SNX29: variants seen among roughly 807,000 people sequenced by gnomAD.
The protein encoded by SNX29 is sorting nexin-29.
A neutral mutation model predicts 102.1 loss-of-function variants in SNX29; 78 were observed. The ratio of observed to expected loss-of-function variants is 0.76; its 90% CI spans 0.64 to 0.92. SNX29 has a LOEUF of 0.92. SNX29 is among the 40% of genes least tolerant of loss of function. SNX29 has a pLI of 0.00. For missense variants in SNX29, 1,280 were observed against 1,061.7 expected (o/e 1.21, Z -2.86); for synonymous variants, 580 against 414.5 (o/e 1.40, Z -4.85).
chr16:12,303,428 G>A (rs901179559), intron 15 of SNX29, among the ~76,000 whole-genome samples: 2 of 152,236 alleles, frequency 1.3e-5, no homozygotes, highest in Non-Finnish European at 2.9e-5. Flanking sequence ...AACCTCAGCT[G>A]TGCACATCAG....
chr16:12,440,586 C>T (rs959992594), intron 18 of SNX29, among the ~76,000 whole-genome samples: 5 of 152,158 alleles, frequency 3.3e-5, no homozygotes, highest in African/African-American at 1.2e-4. Flanking sequence ...TGATCCTCTC[C>T]CTCCTCCCAC....
intron 18 of SNX29, among the ~76,000 whole-genome samples, chr16:12,439,529 CAA>C (rs1468726722): frequency 1.3e-5 from 2 of 152,272 alleles, no homozygotes; most frequent in East Asian, 1.9e-4. Flanking sequence ...TGGTGGCAGA[CAA>C]GAGAATGAGA....
chr16:12,373,915 G>A (rs4781216), intron 16 of SNX29: 151,651 of 152,386 alleles, frequency 1, 75,461 homozygotes, highest in Middle Eastern at 1. Context: ...CCCGCCTCTG[G>A]TTTTCCTGAT....
At chr16:12,356,971 C>G (rs12103066) in intron 16 of SNX29, among the ~76,000 whole-genome samples, 4,183 of 152,288 alleles carry the variant, frequency 0.027, 214 homozygotes, top group African/African-American at 0.095. Context: ...CACCTACTTG[C>G]TTGGTTCTGT....
chr16:12,555,752 C>A (rs1247093884), intron 20 of SNX29, among the ~76,000 whole-genome samples: 1 of 151,958 alleles, frequency 6.6e-6, no homozygotes, highest in African/African-American at 2.4e-5. Context: ...CCCCACAACT[C>A]CAACTAGCCT....
chr16:12,170,087 C>A (rs9635476), intron 13 of SNX29, among the ~76,000 whole-genome samples: 1 of 152,120 alleles, frequency 6.6e-6, no homozygotes, highest in Non-Finnish European at 1.5e-5. Context: ...GCACCTCTGA[C>A]TTCTAGATGC....
At chr16:12,506,212 C>T (rs1473915204) in intron 19 of SNX29, among the ~76,000 whole-genome samples, 3 of 152,176 alleles carry the variant, frequency 2.0e-5, no homozygotes, top group African/African-American at 7.2e-5. Flanking sequence ...GCGCCTGCCT[C>T]GGCCTCCCAA....
intron 19 of SNX29, among the ~76,000 whole-genome samples, chr16:12,505,513 C>G (rs1210076669): frequency 6.6e-6 from 1 of 152,114 alleles, no homozygotes; most frequent in East Asian, 1.9e-4. Flanking sequence ...AAAAACAAAT[C>G]TTATTTTGTA....
chr16:12,053,823 T>C (rs189545649), intron 8 of SNX29, among the ~76,000 whole-genome samples: 2 of 152,308 alleles, frequency 1.3e-5, no homozygotes, highest in Admixed American at 6.5e-5. Flanking sequence ...GTAAGACGTC[T>C]AGCAGCCCTA....
At chr16:12,026,318 G>T (rs1272107109) in intron 3 of SNX29, among the ~76,000 whole-genome samples, 4 of 152,200 alleles carry the variant, frequency 2.6e-5, no homozygotes, top group Admixed American at 2.0e-4. Context: ...AAATGGTCTG[G>T]TTAACTTATT....
At chr16:12,555,320 A>C (rs1305985014) in intron 20 of SNX29, among the ~76,000 whole-genome samples, 1 of 151,536 alleles carries the variant, frequency 6.6e-6, no homozygotes, top group Admixed American at 6.6e-5. Flanking sequence ...TCATAGCCCC[A>C]GTGTTTCTTG....
chr16:12,563,394 G>A (rs914222652), intron 20 of SNX29, among the ~76,000 whole-genome samples: 5 of 152,224 alleles, frequency 3.3e-5, no homozygotes, highest in Non-Finnish European at 7.3e-5. Flanking sequence ...CCGTAACCAT[G>A]AAAATAGATG....
intron 15 of SNX29, among the ~76,000 whole-genome samples, chr16:12,281,008 A>G (rs542027044): frequency 6.6e-6 from 1 of 152,332 alleles, no homozygotes; most frequent in African/African-American, 2.4e-5. Context: ...CCCCGGCTCA[A>G]CGGATCTTCC....
intron 13 of SNX29, among the ~76,000 whole-genome samples, chr16:12,166,601 C>T (rs972711026): frequency 6.6e-6 from 1 of 152,200 alleles, no homozygotes; most frequent in Non-Finnish European, 1.5e-5. Context: ...CCTTTCCCCA[C>T]CTACTTCTCA....
chr16:12,500,685 ACAT>A (rs2089076087), intron 19 of SNX29, among the ~76,000 whole-genome samples: 1 of 152,340 alleles, frequency 6.6e-6, no homozygotes, highest in African/African-American at 2.4e-5. Context: ...TGTACCAGTG[ACAT>A]CAGCCTCATC....
chr16:12,118,766 G>A (rs8053242), intron 11 of SNX29, among the ~76,000 whole-genome samples: 29,430 of 152,120 alleles, frequency 0.19, 3,287 homozygotes, highest in Middle Eastern at 0.27. Context: ...TTCTGTGAGT[G>A]GGACAGGCAG....
At chr16:12,563,297 A>T (rs376752616) in intron 20 of SNX29, among the ~76,000 whole-genome samples, 4 of 152,088 alleles carry the variant, frequency 2.6e-5, no homozygotes, top group African/African-American at 9.7e-5. Flanking sequence ...CACAGCTCGG[A>T]AAGTCTGCTT....
At chr16:12,538,560 G>C (rs564837020) in intron 20 of SNX29, among the ~76,000 whole-genome samples, 1 of 152,162 alleles carries the variant, frequency 6.6e-6, no homozygotes, top group Non-Finnish European at 1.5e-5. Context: ...AGGCTTAACT[G>C]GTCTTAGCTG....
At chr16:12,298,436 C>G (rs1479162548) in intron 15 of SNX29, among the ~76,000 whole-genome samples, 1 of 152,120 alleles carries the variant, frequency 6.6e-6, no homozygotes, top group East Asian at 1.9e-4. Context: ...CAGATTATAC[C>G]TTTCTTTGCC....
Sources: gnomAD v4.1 joint callset for allele counts (sites outside exome capture counted in the v4.1 genomes callset) on GRCh38, gnomAD v4.1.1 for gene constraint, MANE v1.5 for transcripts, NCBI Gene and HGNC (gene_info 2026-07-23, HGNC 2026-07-21) for gene names.